Variants in DIS3 observed in about 807,000 individuals in gnomAD.
DIS3 encodes DIS3 exosome endoribonuclease and 3'-5' exoribonuclease, also known as exosome complex exonuclease RRP44.
A neutral mutation model predicts 113.0 loss-of-function variants in DIS3; 103 were observed. The observed-to-expected ratio is 0.91, with a 90% CI of 0.78 to 1.07. The LOEUF is 1.07. Among genes scored for constraint, DIS3 ranks in the 50% least tolerant of loss-of-function variants. DIS3 has a pLI of 0.00. For synonymous variants in DIS3, 402 were observed against 394.3 expected (o/e 1.02, Z -0.23); for missense variants, 1,121 against 1,167.1 (o/e 0.96, Z 0.58).
In DIS3 at chr13:72,781,601, G is replaced by T. The variant is rs910003846; in HGVS notation, c.228+4C>A. On this transcript the variant is annotated splice_donor_region_variant and intron_variant, in intron 1 of 20. Coordinates refer to ENST00000377767, the MANE Select transcript of DIS3 (RefSeq NM_014953.5). ...CGCTGTCCGCGGTTCGCCCGCCCAC[G>T]CACCTGGTGCAGTAACACATTAGTG... 2 of 1,499,204 alleles carry T rather than the reference G, an allele frequency of 1.3e-6. No homozygotes were observed. The highest frequency in any genetic ancestry group is 4.6e-5 in the Admixed American group (2 of 43,672). The allele number at this position is 1,499,204 out of a possible 1,614,324, so 92.9% of individuals were successfully genotyped here. A position where few individuals can be genotyped will look rare whatever the true frequency, so the allele number is the denominator to read the frequency against.
In DIS3 at chr13:72,776,172, A is replaced by AT. The variant is rs1423665074; in HGVS notation, c.655-81dup. The AT allele has an allele frequency of 5.1e-6, 7 of 1,371,036 alleles. No individual in the cohort carries two copies. The South Asian group carries it at 6.2e-5, about 12-fold the overall frequency. The allele number at this position is 1,371,036 out of a possible 1,614,324, so 84.9% of individuals were successfully genotyped here. ...ACACAACTATTATTAATATCAGAGAATTTTTGAAATCTACATTATGATATA... is the reference window on the plus strand; with the variant it reads ...ACACAACTATTATTAATATCAGAGAATTTTTTGAAATCTACATTATGATATA... On this transcript the variant is annotated intron_variant, in intron 4 of 20. Transcript: ENST00000377767.
chr13:72,765,398 T>C (rs183224761), intron 15 of DIS3, among the ~76,000 whole-genome samples: 4 of 152,202 alleles, frequency 2.6e-5, no homozygotes, highest in African/African-American at 9.6e-5. Context: ...CTATCTATTA[T>C]TCTATCCTAC....
Position 72,759,868 on chromosome 13 carries a change from A to G in DIS3, c.2804T>C (p.Ile935Thr). ...GTTTGAAGTATCAGTAGGAATGCTT[A>G]TTCCTGGTATCTAAAGTAATGCAAA... ...MSLVEPQIPG[I>T]SIPTDTSNMD... Residue 935 changes from isoleucine (I) to threonine (T), a missense_variant, in exon 21 of 21, where the codon ATA (isoleucine) becomes ACA (threonine). By Grantham distance (89) the Ile-to-Thr change is moderately conservative. Transcript: ENST00000377767. 1.2e-6 allele frequency: 2 copies of G among 1,612,590 alleles called. No individual in the cohort carries two copies. The highest frequency in any genetic ancestry group is 2.2e-5 in the South Asian group (2 of 90,852).
chr13:72,762,134 A>T lies in DIS3; in HGVS notation c.2131T>A (p.Leu711Met). 6.2e-7 allele frequency: 1 copy of T among 1,613,104 alleles called. No individual in the cohort carries two copies. The highest frequency in any genetic ancestry group is 8.5e-7 in the Non-Finnish European group (1 of 1,179,656). ...TTGGCTGTATCAGTCTTAATTTCCA[A>T]ATTCTGTAAACAAAAAGGAGGGAAG... ...ILVKAARSRN[L>M]EIKTDTAKSL... The change falls in exon 17 of 21, where the codon TTG becomes ATG. Residue 711 changes from leucine (L) to methionine (M), a missense_variant. Around this residue, in one of 3 missense-constraint regions of DIS3, gnomAD observed 861 missense variants for 915.5 expected, o/e 0.94. Coordinates refer to ENST00000377767, the MANE Select transcript of DIS3 (RefSeq NM_014953.5).
chr13:72,777,002 T>C (rs1045155491), intron 4 of DIS3, among the ~76,000 whole-genome samples: 3 of 152,180 alleles, frequency 2.0e-5, no homozygotes, highest in Non-Finnish European at 2.9e-5. Flanking sequence ...TTCAGGGAGA[T>C]CTTTATAAAT....
At chr13:72,764,111 C>T (rs886471845) in intron 15 of DIS3, among the ~76,000 whole-genome samples, 1 of 152,148 alleles carries the variant, frequency 6.6e-6, no homozygotes, top group African/African-American at 2.4e-5. Flanking sequence ...GAGATCGCAT[C>T]ACTGCACTCC....
At chr13:72,769,263 C>T (rs2033828938) in intron 13 of DIS3, among the ~76,000 whole-genome samples, 1 of 152,094 alleles carries the variant, frequency 6.6e-6, no homozygotes, top group African/African-American at 2.4e-5. Context: ...TCTCTGATAA[C>T]AAATATGAAA....
rs2033601060 is a variant in DIS3, at chr13:72,760,648, GTATC to G, written c.2671-1_2673del. The G allele has an allele frequency of 6.2e-7, 1 of 1,611,452 alleles. No homozygotes were observed. The highest frequency in any genetic ancestry group is 1.1e-5 in the South Asian group (1 of 90,838). On this transcript the variant is annotated splice_acceptor_variant and coding_sequence_variant, in exon 20 of 21. Transcript: ENST00000377767. LOFTEE classifies it high-confidence loss of function. ...ACTGTATCTTCTATTTTAAGTGAGG[GTATC>G]TAAACAAAACACATTTTATCATTCT...
Position 72,758,691 on chromosome 13 carries a change from C to G in DIS3, c.*1104G>C. On this transcript the variant is annotated 3_prime_UTR_variant, in exon 21 of 21. Coordinates refer to ENST00000377767, the MANE Select transcript of DIS3 (RefSeq NM_014953.5). Reference sequence around the variant, plus strand: ...ATAGGAAACTGGAAAAATTAGTCAACATTTATTGAGTGCCTAAATGACTAC... The same window carrying G: ...ATAGGAAACTGGAAAAATTAGTCAAGATTTATTGAGTGCCTAAATGACTAC... 1 of 214,862 alleles carries G rather than the reference C, an allele frequency of 4.7e-6. No homozygotes were observed. The highest frequency in any genetic ancestry group is 5.8e-5 in the Admixed American group (1 of 17,168). 13.3% of individuals were successfully genotyped at this position (214,862 alleles called of 1,614,324 possible).
At chr13:72,780,337 A>C (rs2034140567) in intron 2 of DIS3, among the ~76,000 whole-genome samples, 1 of 151,100 alleles carries the variant, frequency 6.6e-6, no homozygotes, top group South Asian at 2.1e-4. Flanking sequence ...AAAAAAAAAA[A>C]AAAAAAAAAA....
At chr13:72,770,686 C>T (rs1393169086) in intron 13 of DIS3, among the ~76,000 whole-genome samples, 1 of 152,004 alleles carries the variant, frequency 6.6e-6, no homozygotes, top group Non-Finnish European at 1.5e-5. Flanking sequence ...CTTTTTTAGA[C>T]TATGTTTATA....
chr13:72,779,853 C>T (rs1352757466), intron 2 of DIS3, among the ~76,000 whole-genome samples: 2 of 151,808 alleles, frequency 1.3e-5, no homozygotes, highest in African/African-American at 4.8e-5. Context: ...AGCCTTTCCA[C>T]CACAAAAAAA....
At position 72,761,644 on chromosome 13, in the gene DIS3, A is replaced by G. The variant is rs767632875; in HGVS notation, c.2511+2T>C. 2 of 1,585,942 alleles carry G rather than the reference A, an allele frequency of 1.3e-6. No homozygotes were observed. The highest frequency in any genetic ancestry group is 1.7e-6 in the Non-Finnish European group (2 of 1,171,002). On this transcript the variant is annotated splice_donor_variant, in intron 18 of 20. Transcript: ENST00000377767. LOFTEE classifies it high-confidence loss of function. Reference sequence around the variant, plus strand: ...CTAGCAGTATCGACAAAAGGCAAATACCTGGGTATGAAAAGCCACTGATGC... The same window carrying G: ...CTAGCAGTATCGACAAAAGGCAAATGCCTGGGTATGAAAAGCCACTGATGC...
intron 9 of DIS3, 90 bp from the exon 10 acceptor site, chr13:72,772,365 AC>A: frequency 2.0e-6 from 2 of 1,007,686 alleles, no homozygotes; most frequent in Non-Finnish European, 2.9e-6. Flanking sequence ...TAATATGTAT[AC>A]AAAAACAATT....
At position 72,780,803 on chromosome 13, in the gene DIS3, T is replaced by C. The variant is rs776978131; in HGVS notation, c.386+43A>G. ...ACAGGAACCCTCTCCCGAATTTTGC[T>C]AATCCTGTGGTTTTCTGATATTTAA... On this transcript the variant is annotated intron_variant, in intron 2 of 20. Coordinates refer to ENST00000377767, the MANE Select transcript of DIS3 (RefSeq NM_014953.5). The C allele has an allele frequency of 2.6e-6, 4 of 1,550,950 alleles. No individual in the cohort carries two copies. In the Admixed American group the frequency reaches 8.2e-5, roughly 32 times the overall value.
chr13:72,781,207 C>G (rs2034199422), intron 1 of DIS3: 6 of 1,507,826 alleles, frequency 4.0e-6, no homozygotes, highest in Non-Finnish European at 5.4e-6. Context: ...CTTAAACAGA[C>G]CAATCACAAG....
chr13:72,778,167 A>T lies in DIS3; in HGVS notation c.580+20T>A. ...ACGCATTTGCAAACATGCACTAAGT[A>T]CTTCTACATTTAGACTTACAAGTGA... On this transcript the variant is annotated intron_variant, in intron 3 of 20. Transcript: ENST00000377767. 1.3e-6 allele frequency: 2 copies of T among 1,549,756 alleles called. No individual in the cohort carries two copies. Among genetic ancestry groups the T allele is most frequent in the Non-Finnish European group, 1.8e-6 (2 of 1,134,534 alleles).
chr13:72,772,307 T>A, intron 9 of DIS3, 32 bp from the exon 10 acceptor site: 1 of 1,507,882 alleles, frequency 6.6e-7, no homozygotes, highest in South Asian at 1.2e-5. Flanking sequence ...ACAAATAAAT[T>A]ATTTCCAAAG....
At chr13:72,775,868 T>C (rs1593850228) in intron 5 of DIS3, 57 bp downstream of exon 5, 2 of 1,388,158 alleles carry the variant, frequency 1.4e-6, no homozygotes, top group South Asian at 1.4e-5. Flanking sequence ...TAAGTGTTCA[T>C]AATATATAAA....
Sources: allele counts gnomAD v4.1 joint callset (sites outside exome capture counted in the v4.1 genomes callset), GRCh38; gene constraint gnomAD v4.1.1; regional missense constraint gnomAD v4.1.1; transcripts MANE v1.5; gene names NCBI Gene and HGNC (gene_info 2026-07-23, HGNC 2026-07-21).